EBF2: variants seen among roughly 807,000 people sequenced by gnomAD.
EBF2 encodes the protein transcription factor COE2.
In EBF2, 21 loss-of-function variants were observed where a neutral mutation model predicts 72.8. That is an observed-to-expected ratio of 0.29 (90% CI 0.20 to 0.42). The LOEUF is 0.42. Among genes scored for constraint, EBF2 ranks in the 10% least tolerant of loss-of-function variants. The pLI, the probability that EBF2 is intolerant of heterozygous loss-of-function variation, is 1.00. For missense variants in EBF2, 637 were observed against 731.2 expected, an observed-to-expected ratio of 0.87 and a Z score of 1.49; for synonymous variants, 299 against 274.2, an observed-to-expected ratio of 1.09 and a Z score of -0.89.
At chr8:25,922,071 C>A (rs1803313487) in intron 6 of EBF2, among the ~76,000 whole-genome samples, 1 of 152,146 alleles carries the variant, frequency 6.6e-6, no homozygotes, top group Non-Finnish European at 1.5e-5. Flanking sequence ...ATTTCTCACT[C>A]CAGGTTCAAA....
intron 6 of EBF2, among the ~76,000 whole-genome samples, chr8:25,989,448 A>G (rs1445238209): frequency 6.6e-6 from 1 of 152,222 alleles, no homozygotes; most frequent in African/African-American, 2.4e-5. Context: ...CCCTCTAAAG[A>G]TGAAAAAAGA....
chr8:25,989,882 G>A (rs1334347168), intron 6 of EBF2, among the ~76,000 whole-genome samples: 2 of 152,178 alleles, frequency 1.3e-5, no homozygotes, highest in Non-Finnish European at 1.5e-5. Flanking sequence ...GCCTTACACT[G>A]AGAGCTAATG....
At chr8:25,849,154 T>C (rs1469846500) in intron 15 of EBF2, among the ~76,000 whole-genome samples, 1 of 152,204 alleles carries the variant, frequency 6.6e-6, no homozygotes, top group Non-Finnish European at 1.5e-5. Context: ...TACCCATACA[T>C]TGGGTGGTAT....
intron 6 of EBF2, among the ~76,000 whole-genome samples, chr8:25,972,615 A>G (rs1804208342): frequency 6.6e-6 from 1 of 152,174 alleles, no homozygotes; most frequent in African/African-American, 2.4e-5. Flanking sequence ...GCCTCATTTT[A>G]CAGACCAACA....
intron 10 of EBF2, among the ~76,000 whole-genome samples, chr8:25,870,316 A>T (rs1325509602): frequency 6.6e-6 from 1 of 152,116 alleles, no homozygotes; most frequent in Non-Finnish European, 1.5e-5. Flanking sequence ...AAAACAGGAA[A>T]ATTATTGATA....
chr8:25,989,877 A>G (rs1804518198), intron 6 of EBF2, among the ~76,000 whole-genome samples: 1 of 152,210 alleles, frequency 6.6e-6, no homozygotes. Flanking sequence ...AGGAAGCCTT[A>G]CACTGAGAGC....
intron 6 of EBF2, among the ~76,000 whole-genome samples, chr8:25,979,858 C>A (rs1438378412): frequency 3.3e-5 from 5 of 152,218 alleles, no homozygotes; most frequent in Admixed American, 1.3e-4. Flanking sequence ...AAAATAGAGA[C>A]CCTGTTTAAA....
intron 9 of EBF2, among the ~76,000 whole-genome samples, chr8:25,887,344 A>G (rs1802709042): frequency 6.6e-6 from 1 of 151,964 alleles, no homozygotes; most frequent in East Asian, 1.9e-4. Context: ...CCAACTTAAC[A>G]CTGTCACTTA....
chr8:25,926,087 G>A lies in EBF2; in HGVS notation c.552-17532C>T, dbSNP rs1363214384. Among the ~76,000 whole-genome samples the A allele has an allele frequency of 2.6e-5, 4 of 152,084 alleles. No individual in the cohort carries two copies. In the East Asian group the frequency reaches 5.8e-4, roughly 22 times the overall value. ...CTTGCCTCAAACACGTGGTCAGCTC[G>A]AAGGGCTTAAGGGAACTAGAGAACT... On this transcript the variant is annotated intron_variant, in intron 6 of 15. Coordinates refer to ENST00000520164, the MANE Select transcript of EBF2 (RefSeq NM_022659.4).
intron 15 of EBF2, among the ~76,000 whole-genome samples, chr8:25,850,108 T>TA: frequency 6.6e-6 from 1 of 152,306 alleles, no homozygotes; most frequent in East Asian, 1.9e-4. Flanking sequence ...TCTTACTTTT[T>TA]AAAAAAATTT....
intron 6 of EBF2, among the ~76,000 whole-genome samples, chr8:25,916,447 G>A (rs967632754): frequency 3.3e-5 from 5 of 152,006 alleles, no homozygotes; most frequent in East Asian, 1.9e-4. Flanking sequence ...CTACACATAC[G>A]TATGATCCCT....
At chr8:26,043,574 C>T (rs1444195003) in intron 1 of EBF2, among the ~76,000 whole-genome samples, 1 of 152,214 alleles carries the variant, frequency 6.6e-6, no homozygotes, top group Non-Finnish European at 1.5e-5. Context: ...AATCCGCGCT[C>T]CCCGGGCCAC....
intron 7 of EBF2, among the ~76,000 whole-genome samples, chr8:25,899,563 T>G (rs888445810): frequency 6.6e-6 from 1 of 152,208 alleles, no homozygotes; most frequent in African/African-American, 2.4e-5. Context: ...GAGAGAAACA[T>G]TCAACATTTT....
intron 6 of EBF2, among the ~76,000 whole-genome samples, chr8:25,979,519 C>T (rs2117197599): frequency 1.3e-5 from 2 of 152,356 alleles, no homozygotes; most frequent in East Asian, 3.9e-4. Flanking sequence ...TGAAAGGCCC[C>T]ACAGGCAATT....
chr8:26,039,531 G>T (rs894985370), intron 5 of EBF2, among the ~76,000 whole-genome samples: 8 of 152,136 alleles, frequency 5.3e-5, no homozygotes, highest in Non-Finnish European at 1.0e-4. Flanking sequence ...AGGAAGAAAC[G>T]CCCACGCATC....
rs543303770 is a variant in EBF2, at chr8:26,044,392, G to A, written c.131+337C>T. The stretch of plus-strand genomic sequence containing the variant: ...CAGCGCCGGTGTTCACGCTCCGTTC[G>A]GGGCCAGGCCGGCTCGGCTTGCAGG... On this transcript the variant is annotated intron_variant, in intron 1 of 15. Transcript: ENST00000520164. The surrounding 1 kb of genome is among the most constrained non-coding windows in gnomAD (Gnocchi z 4.1). Among the ~76,000 whole-genome samples the A allele has an allele frequency of 1.3e-5, 2 of 152,386 alleles. No individual in the cohort carries two copies. The highest frequency in any genetic ancestry group is 2.1e-4 in the South Asian group (1 of 4,832).
At chr8:25,919,564 G>A (rs963991493) in intron 6 of EBF2, among the ~76,000 whole-genome samples, 4 of 152,130 alleles carry the variant, frequency 2.6e-5, no homozygotes, top group African/African-American at 9.7e-5. Context: ...TCTGAAGAAT[G>A]GAAACCATTT....
intron 6 of EBF2, among the ~76,000 whole-genome samples, chr8:25,969,874 T>C (rs904212153): frequency 6.6e-6 from 1 of 152,178 alleles, no homozygotes; most frequent in Non-Finnish European, 1.5e-5. Flanking sequence ...CTGACAGCAA[T>C]ATCTGTTTCT....
At chr8:26,040,437 G>C (rs974399208) in intron 4 of EBF2, among the ~76,000 whole-genome samples, 179 bp downstream of exon 4, 2 of 149,210 alleles carry the variant, frequency 1.3e-5, no homozygotes, top group East Asian at 1.9e-4. Flanking sequence ...TGGTGAGACA[G>C]GGAAGAAAAA....
Sources: allele counts gnomAD v4.1 joint callset (sites outside exome capture counted in the v4.1 genomes callset), GRCh38; gene constraint gnomAD v4.1.1; non-coding constraint Gnocchi (gnomAD v3.1); transcripts MANE v1.5; gene names NCBI Gene and HGNC (gene_info 2026-07-23, HGNC 2026-07-21).